MYO5B: variants seen among roughly 807,000 people sequenced by gnomAD.
The protein encoded by MYO5B is unconventional myosin-Vb.
In MYO5B, 143 loss-of-function variants were observed where a neutral mutation model predicts 229.3. That is an observed-to-expected ratio of 0.62 (90% CI 0.54 to 0.72). The LOEUF is 0.72. Ranked by LOEUF, MYO5B falls within the 30% of genes least tolerant of loss-of-function variation. The pLI, the probability that MYO5B is intolerant of heterozygous loss-of-function variation, is 0.00. For missense variants in MYO5B, 2,321 were observed against 2,331.0 expected, an observed-to-expected ratio of 1.00 and a Z score of 0.09; for synonymous variants, 918 against 885.2, an observed-to-expected ratio of 1.04 and a Z score of -0.66.
chr18:49,911,100 G>A (rs2024952597), intron 18 of MYO5B, among the ~76,000 whole-genome samples: 1 of 152,240 alleles, frequency 6.6e-6, no homozygotes, highest in Non-Finnish European at 1.5e-5. Flanking sequence ...TGAGGCTGGT[G>A]ATGCAACCAG....
intron 1 of MYO5B, among the ~76,000 whole-genome samples, chr18:50,136,024 T>C (rs1213798761): frequency 6.6e-6 from 1 of 152,242 alleles, no homozygotes; most frequent in Non-Finnish European, 1.5e-5. Flanking sequence ...TTGCCCATGG[T>C]CACACAGCCT....
intron 32 of MYO5B, among the ~76,000 whole-genome samples, chr18:49,848,327 G>A (rs2024156490): frequency 6.6e-6 from 1 of 151,992 alleles, no homozygotes; most frequent in Non-Finnish European, 1.5e-5. Flanking sequence ...GATGGTGGTG[G>A]GGCTGGAAGG....
intron 36 of MYO5B, 30 bp from the exon 37 acceptor site, chr18:49,837,832 G>A (rs750995984): frequency 6.2e-7 from 1 of 1,612,632 alleles, no homozygotes; most frequent in South Asian, 1.1e-5. Context: ...AGAGAAGCTT[G>A]CATTCCCCAC....
chr18:49,864,270 A>G lies in MYO5B; in HGVS notation c.3714T>C (p.Asp1238=), dbSNP rs1045489613. Residue 1238 remains aspartate, a synonymous_variant, in exon 28 of 40, where the codon GAT becomes GAC. Transcript: ENST00000285039. ...TQNNSSHGSP[D]SYSLLLNQLK... is the part of the protein sequence containing the mutation. ...GCTGGTTCAGCAGGAGGCTGTAGCT[A>G]TCTGGGGAGCCGTGGCTGGAGTTAT... is the stretch of plus-strand genomic sequence containing the variant. The G allele has an allele frequency of 1.2e-6, 2 of 1,614,050 alleles. No homozygotes were observed. The highest frequency in any genetic ancestry group is 2.2e-5 in the East Asian group (1 of 44,888).
intron 8 of MYO5B, among the ~76,000 whole-genome samples, chr18:49,981,047 G>C (rs1184895721): frequency 6.6e-6 from 1 of 152,240 alleles, no homozygotes; most frequent in Non-Finnish European, 1.5e-5. Flanking sequence ...GGGCTGGATG[G>C]CCAGCTGGCC....
At chr18:50,048,749 A>T (rs929438357) in intron 2 of MYO5B, among the ~76,000 whole-genome samples, 2 of 152,108 alleles carry the variant, frequency 1.3e-5, no homozygotes, top group Admixed American at 6.6e-5. Context: ...TGGGCCAGTC[A>T]TGGTGGCTCA....
In MYO5B at chr18:50,001,482, G is replaced by A. The variant is rs1028597258; in HGVS notation, c.456-71C>T. ...CTGCTACCGTCCAGGGACTCTGTCT[G>A]ACAAGGGCCTGAGCCTCACTGGGAG... On this transcript the variant is annotated intron_variant, in intron 4 of 39. Transcript: ENST00000285039. The A allele has an allele frequency of 5.1e-6, 8 of 1,562,848 alleles. No homozygotes were observed. In the African/African-American group the frequency reaches 8.1e-5, roughly 16 times the overall value.
At chr18:50,048,536 G>T (rs2666930) in intron 2 of MYO5B, among the ~76,000 whole-genome samples, 152,270 of 152,274 alleles carry the variant, frequency 1, 76,133 homozygotes, top group Non-Finnish European at 1. Context: ...CTGTGGGTTC[G>T]TCTCTCCTTC....
chr18:49,987,389 C>T (rs577138336), intron 7 of MYO5B, among the ~76,000 whole-genome samples: 21 of 152,294 alleles, frequency 1.4e-4, no homozygotes, highest in African/African-American at 5.1e-4. Flanking sequence ...CTTCCCCCAC[C>T]TGCTTGGCTT....
chr18:49,849,769 T>G, intron 31 of MYO5B, 109 bp from the exon 32 acceptor site: 1 of 834,948 alleles, frequency 1.2e-6, no homozygotes. Context: ...TGGGCAGCCG[T>G]CAGAAATGCG....
intron 4 of MYO5B, among the ~76,000 whole-genome samples, chr18:50,036,605 C>T (rs1248489086): frequency 6.6e-6 from 1 of 152,124 alleles, no homozygotes; most frequent in Non-Finnish European, 1.5e-5. Flanking sequence ...TATTCCATTG[C>T]TCAAAAAAAT....
At chr18:50,156,990 C>T (rs1373439423) in intron 1 of MYO5B, among the ~76,000 whole-genome samples, 7 of 152,196 alleles carry the variant, frequency 4.6e-5, no homozygotes, top group African/African-American at 1.7e-4. Context: ...CACCCACCCT[C>T]CCCCAGGTCA....
chr18:50,013,872 G>A (rs531928241), intron 4 of MYO5B, among the ~76,000 whole-genome samples: 1 of 152,184 alleles, frequency 6.6e-6, no homozygotes, highest in Admixed American at 6.5e-5. Context: ...GCAGGACCCA[G>A]TGCTGCTCCT....
intron 1 of MYO5B, among the ~76,000 whole-genome samples, chr18:50,128,180 C>T (rs1236344336): frequency 6.6e-6 from 1 of 152,120 alleles, no homozygotes; most frequent in Admixed American, 6.5e-5. Flanking sequence ...TCTAGAGAAT[C>T]CTAATACACT....
At chr18:49,948,778 G>C (rs1323799630) in intron 14 of MYO5B, among the ~76,000 whole-genome samples, 1 of 144,646 alleles carries the variant, frequency 6.9e-6, no homozygotes. Context: ...GCAGCAGGAG[G>C]GAGAAGGGGA....
At chr18:49,993,877 G>A (rs1226860537) in intron 5 of MYO5B, among the ~76,000 whole-genome samples, 2 of 152,114 alleles carry the variant, frequency 1.3e-5, no homozygotes, top group Non-Finnish European at 2.9e-5. Context: ...TGCCCTCTGA[G>A]ATACAACTTT....
At chr18:49,923,704 A>G (rs2025099558) in intron 17 of MYO5B, among the ~76,000 whole-genome samples, 1 of 151,614 alleles carries the variant, frequency 6.6e-6, no homozygotes, top group Non-Finnish European at 1.5e-5. Flanking sequence ...ACGTTCTCCA[A>G]GGAGAAACCC....
At chr18:49,939,052 G>A (rs1320540213) in intron 14 of MYO5B, among the ~76,000 whole-genome samples, 1 of 151,996 alleles carries the variant, frequency 6.6e-6, no homozygotes, top group Non-Finnish European at 1.5e-5. Flanking sequence ...ATCCGTGTAA[G>A]CATGTAGAAA....
rs888856688 is a variant in MYO5B at position 50,051,166 on chromosome 18, A to T, written c.138+4102T>A. Reference sequence around the variant, plus strand: ...ATAGTAAATGTTTAACAATGTTTTTAATTAAAAATATGAGATTTAAATAAT... The same window carrying T: ...ATAGTAAATGTTTAACAATGTTTTTTATTAAAAATATGAGATTTAAATAAT... On this transcript the variant is annotated intron_variant, in intron 2 of 39. Coordinates refer to ENST00000285039, the MANE Select transcript of MYO5B (RefSeq NM_001080467.3). Among the ~76,000 whole-genome samples the T allele has an allele frequency of 3.7e-4, 57 of 152,374 alleles. 1 individual carries two copies. In the East Asian group the frequency reaches 8.1e-3, roughly 22 times the overall value.
Sources: allele counts gnomAD v4.1 joint callset (sites outside exome capture counted in the v4.1 genomes callset), GRCh38; gene constraint gnomAD v4.1.1; transcripts MANE v1.5; gene names NCBI Gene and HGNC (gene_info 2026-07-23, HGNC 2026-07-21).